The following RARB variants were observed in gnomAD, a reference collection of about 807,000 sequenced individuals.
RARB encodes HBV-activated protein.
In RARB, 17 loss-of-function variants were observed where a neutral mutation model predicts 51.9. The ratio of observed to expected loss-of-function variants is 0.33; its 90% CI spans 0.22 to 0.49. The LOEUF is 0.49. Among genes scored for constraint, RARB ranks in the 20% least tolerant of loss-of-function variants. RARB has a pLI of 0.99. For synonymous variants in RARB, 215 were observed against 195.4 expected (o/e 1.10, Z -0.84); for missense variants, 369 against 550.8 (o/e 0.67, Z 3.30).
intron 2 of RARB, among the ~76,000 whole-genome samples, chr3:25,499,727 C>G (rs960265926): frequency 6.6e-6 from 1 of 151,874 alleles, no homozygotes; most frequent in Non-Finnish European, 1.5e-5. Flanking sequence ...GATGACAAAG[C>G]TGGTTTAAAG....
At chr3:25,418,602 A>T (rs558509533) in intron 5 of RARB, among the ~76,000 whole-genome samples, 12 of 150,950 alleles carry the variant, frequency 7.9e-5, no homozygotes, top group African/African-American at 2.9e-4. Flanking sequence ...CCATCTCAAC[A>T]GGTGTGAAAG....
At chr3:25,554,065 ATG>A (rs1264540485) in intron 3 of RARB, among the ~76,000 whole-genome samples, 1 of 151,446 alleles carries the variant, frequency 6.6e-6, no homozygotes, top group Non-Finnish European at 1.5e-5. Context: ...TAGGTGAGGA[ATG>A]TGTGTGTCTA....
chr3:25,433,289 T>TCCTAGGCTGCCCCTTGAA (rs1463899906), intron 1 of RARB, among the ~76,000 whole-genome samples: 1 of 950 alleles, frequency 1.1e-3, no homozygotes, highest in East Asian at 0.038. Context: ...TTACAACATC[T>TCCTAGGCTGCCCCTTGAA]CCTAGGAGTG....
Position 25,428,304 on chromosome 3 carries a change from G to T in RARB, c.-428G>T, listed in dbSNP as rs1279890116. 10 of 1,245,662 alleles carry T rather than the reference G, an allele frequency of 8.0e-6. No homozygotes were observed. The highest frequency in any genetic ancestry group is 1.0e-5 in the Non-Finnish European group (10 of 995,754). The allele number at this position is 1,245,662 out of a possible 1,614,324, so 77.2% of individuals were successfully genotyped here. A position where few individuals can be genotyped will look rare whatever the true frequency, so the allele number is the denominator to read the frequency against. ...GAAGTGAGCTGTTCAGAGGCAGGAGGGTCTATTCTTTGCCAAAGGGGGGAC... is the reference window on the plus strand; with the variant it reads ...GAAGTGAGCTGTTCAGAGGCAGGAGTGTCTATTCTTTGCCAAAGGGGGGAC... On this transcript the variant is annotated 5_prime_UTR_variant, in exon 1 of 8. Transcript: ENST00000330688.
Position 24,995,179 on chromosome 3 carries a change from T to C in RARB, c.-379-64946T>C, listed in dbSNP as rs192012986. Among the ~76,000 whole-genome samples the C allele has an allele frequency of 8.7e-3, 1,317 of 151,964 alleles. 19 individuals carry two copies. The highest frequency in any genetic ancestry group is 0.031 in the African/African-American group (1,271 of 41,386). On this transcript the variant is annotated intron_variant, in intron 2 of 11. Coordinates refer to the RARB transcript ENST00000383772. ...TTCAGTTTATTTCATCAGTGTTTTGTAGTTTTTTAAGTAAAGGTCCTTCAC... is the reference window on the plus strand; with the variant it reads ...TTCAGTTTATTTCATCAGTGTTTTGCAGTTTTTTAAGTAAAGGTCCTTCAC...
At chr3:25,023,253 C>T (rs1161065825) in intron 2 of RARB, among the ~76,000 whole-genome samples, 1 of 152,156 alleles carries the variant, frequency 6.6e-6, no homozygotes, top group Non-Finnish European at 1.5e-5. Flanking sequence ...TTATACTCCA[C>T]AGTAATGTGA....
chr3:25,422,599 AAAC>A (rs2125507965), intron 5 of RARB, among the ~76,000 whole-genome samples: 1 of 152,288 alleles, frequency 6.6e-6, no homozygotes, highest in African/African-American at 2.4e-5. Context: ...ATGTTACCCA[AAAC>A]TCCTTCTTAT....
intron 3 of RARB, among the ~76,000 whole-genome samples, chr3:25,124,458 C>T (rs1173457555): frequency 1.3e-5 from 2 of 152,138 alleles, no homozygotes; most frequent in African/African-American, 4.8e-5. Context: ...TGAAAAAGTA[C>T]ACTTACCATG....
intron 5 of RARB, among the ~76,000 whole-genome samples, chr3:25,400,767 G>A (rs909243379): frequency 6.6e-6 from 1 of 152,006 alleles, no homozygotes; most frequent in Non-Finnish European, 1.5e-5. Flanking sequence ...TTTTGCCTTC[G>A]CAAAAACCAC....
At chr3:25,521,747 A>C (rs1214553373) in intron 3 of RARB, among the ~76,000 whole-genome samples, 2 of 152,262 alleles carry the variant, frequency 1.3e-5, no homozygotes, top group African/African-American at 4.8e-5. Flanking sequence ...CGTCTATAAA[A>C]CAAGGGCATT....
At chr3:25,072,606 C>T (rs892936291) in intron 3 of RARB, among the ~76,000 whole-genome samples, 1 of 152,144 alleles carries the variant, frequency 6.6e-6, no homozygotes, top group Non-Finnish European at 1.5e-5. Context: ...CATTTGGAGG[C>T]CACGGTCTGA....
chr3:25,173,356 T>C (rs35045659), intron 4 of RARB, among the ~76,000 whole-genome samples: 14,372 of 152,238 alleles, frequency 0.094, 906 homozygotes, highest in South Asian at 0.26. Flanking sequence ...AGTTCTTACA[T>C]TAGTGCCTGG....
chr3:25,275,425 C>T (rs982180786), intron 5 of RARB, among the ~76,000 whole-genome samples: 3 of 152,288 alleles, frequency 2.0e-5, no homozygotes, highest in Non-Finnish European at 2.9e-5. Flanking sequence ...TGGGCCACTG[C>T]ACTCCAGCCT....
intron 2 of RARB, among the ~76,000 whole-genome samples, chr3:25,002,910 C>T (rs1421887592): frequency 1.3e-5 from 2 of 151,950 alleles, no homozygotes; most frequent in Non-Finnish European, 2.9e-5. Context: ...GCATCTGGTT[C>T]CTGGCCAATT....
At chr3:25,461,637 G>A (rs954644840) in intron 2 of RARB, among the ~76,000 whole-genome samples, 5 of 152,186 alleles carry the variant, frequency 3.3e-5, no homozygotes, top group Non-Finnish European at 7.4e-5. Context: ...GCTCACGCCT[G>A]TAATCCCAGC....
chr3:25,257,366 C>T (rs1702891221), intron 5 of RARB, among the ~76,000 whole-genome samples: 4 of 151,940 alleles, frequency 2.6e-5, no homozygotes, highest in South Asian at 4.1e-4. Context: ...CAGAAAAACA[C>T]GTATGAACAG....
intron 4 of RARB, among the ~76,000 whole-genome samples, chr3:25,153,718 G>C (rs1480982934): frequency 6.6e-6 from 1 of 152,200 alleles, no homozygotes; most frequent in Non-Finnish European, 1.5e-5. Flanking sequence ...ACTGTGGTCA[G>C]AGCACAGGCC....
At chr3:25,568,324 C>A (rs942177610) in intron 3 of RARB, among the ~76,000 whole-genome samples, 1 of 152,270 alleles carries the variant, frequency 6.6e-6, no homozygotes, top group South Asian at 2.1e-4. Context: ...GACTCAGTTT[C>A]TTCATCTGTA....
chr3:25,213,020 C>T lies in RARB; in HGVS notation c.178+38445C>T, dbSNP rs530285477. Among the ~76,000 whole-genome samples the T allele has an allele frequency of 5.5e-4, 83 of 152,216 alleles. No homozygotes were observed. The Middle Eastern group carries it at 0.01, about 19-fold the overall frequency. On this transcript the variant is annotated intron_variant, in intron 5 of 11. Coordinates refer to the RARB transcript ENST00000383772. ...AAGCTCTCAGGTTTTCTTCCAAATT[C>T]GCGTAGTCTTAAAGACCATGCTTTG...
Sources: gnomAD v4.1 joint callset for allele counts (sites outside exome capture counted in the v4.1 genomes callset) on GRCh38, gnomAD v4.1.1 for gene constraint, MANE v1.5 for transcripts, NCBI Gene and HGNC (gene_info 2026-07-23, HGNC 2026-07-21) for gene names.